FRRS1: variants seen among roughly 807,000 people sequenced by gnomAD.
FRRS1 encodes the protein ferric reductase 1.
In FRRS1, 51 loss-of-function variants were observed where a neutral mutation model predicts 70.7. The observed-to-expected ratio is 0.72, with a 90% CI of 0.58 to 0.91. The LOEUF (loss-of-function observed/expected upper bound fraction) is 0.91, where lower values mean the gene tolerates loss of function less well. FRRS1 is among the 40% of genes least tolerant of loss of function. The probability of loss-of-function intolerance (pLI) is 0.00; values close to 1 mark genes in which losing one functional copy is unlikely to be tolerated. For synonymous variants in FRRS1, 225 were observed against 238.7 expected (o/e 0.94, Z 0.53); for missense variants, 672 against 726.0 (o/e 0.93, Z 0.86).
rs949448991 is a variant in FRRS1 at position 99,704,125 on chromosome 1, C to T, written c.*4903G>A. ...TCAAAAACATGTACGAAGCAAGCACCTTTTGCTGGCATCACTTCATTGGAT... is the reference window on the plus strand; with the variant it reads ...TCAAAAACATGTACGAAGCAAGCACTTTTTGCTGGCATCACTTCATTGGAT... On this transcript the variant is annotated 3_prime_UTR_variant, in exon 17 of 17. Transcript: ENST00000646001. Among the ~76,000 whole-genome samples the T allele has an allele frequency of 2.6e-5, 4 of 152,146 alleles. No individual in the cohort carries two copies. Among genetic ancestry groups the T allele is most frequent in the African/African-American group, 9.7e-5 (4 of 41,412 alleles).
At chr1:99,744,199 G>T (rs1198417575) in intron 4 of FRRS1, among the ~76,000 whole-genome samples, 2 of 152,146 alleles carry the variant, frequency 1.3e-5, no homozygotes, top group Non-Finnish European at 2.9e-5. Flanking sequence ...TTTTATGCAG[G>T]TGTAAGAATT....
chr1:99,704,627 C>T lies in FRRS1; in HGVS notation c.*4401G>A, dbSNP rs901123988. Among the ~76,000 whole-genome samples the T allele has an allele frequency of 6.6e-6, 1 of 152,066 alleles. No individual in the cohort carries two copies. Among genetic ancestry groups the T allele is most frequent in the Non-Finnish European group, 1.5e-5 (1 of 68,024 alleles). On this transcript the variant is annotated 3_prime_UTR_variant, in exon 17 of 17. Transcript: ENST00000646001. ...TGGCTCACCACGCCCCCATCCTGTG[C>T]CTATAAAAACCTCCAAGATTCTAGC...
At chr1:99,737,627 T>C (rs916931885) in intron 7 of FRRS1, among the ~76,000 whole-genome samples, 1 of 152,222 alleles carries the variant, frequency 6.6e-6, no homozygotes, top group African/African-American at 2.4e-5. Flanking sequence ...GTTAAAATCA[T>C]ACAGTACTCA....
intron 9 of FRRS1, among the ~76,000 whole-genome samples, chr1:99,726,268 G>A (rs973301479): frequency 8.5e-5 from 13 of 152,090 alleles, no homozygotes; most frequent in African/African-American, 3.1e-4. Flanking sequence ...GAGGCCTCCC[G>A]AGCCATGCTT....
intron 9 of FRRS1, among the ~76,000 whole-genome samples, chr1:99,724,493 A>G (rs138486681): frequency 1.3e-5 from 2 of 152,370 alleles, no homozygotes; most frequent in East Asian, 3.9e-4. Context: ...TTAAATGGAT[A>G]GATTGTTAGG....
intron 1 of FRRS1, among the ~76,000 whole-genome samples, chr1:99,759,689 T>C (rs967932030): frequency 1.3e-5 from 2 of 152,164 alleles, no homozygotes; most frequent in African/African-American, 2.4e-5. Flanking sequence ...AAAAGGATTG[T>C]AGTTTTACTG....
At chr1:99,728,740 A>G in intron 8 of FRRS1, 100 bp from the exon 9 acceptor site, 1 of 949,886 alleles carries the variant, frequency 1.1e-6, no homozygotes. Context: ...TTTCTCTAAG[A>G]TCGTATGTCC....
intron 12 of FRRS1, among the ~76,000 whole-genome samples, chr1:99,714,782 G>A (rs1654440419): frequency 6.6e-6 from 1 of 152,160 alleles, no homozygotes; most frequent in Admixed American, 6.5e-5. Context: ...TACCATGGAG[G>A]TGGCAGTGGG....
chr1:99,725,177 G>A (rs1655022903), intron 9 of FRRS1, among the ~76,000 whole-genome samples: 1 of 152,138 alleles, frequency 6.6e-6, no homozygotes, highest in Non-Finnish European at 1.5e-5. Flanking sequence ...TGCCACCGCT[G>A]ATCTGACAGG....
intron 1 of FRRS1, among the ~76,000 whole-genome samples, chr1:99,753,667 G>C (rs1481018388): frequency 1.3e-5 from 2 of 152,008 alleles, no homozygotes; most frequent in Non-Finnish European, 2.9e-5. Flanking sequence ...AACTACTCAG[G>C]AGGCTGAGGC....
At position 99,720,882 on chromosome 1, in the gene FRRS1, C is replaced by G. The variant is rs557138567; in HGVS notation, c.1007-1235G>C. 1.9e-3 allele frequency among the ~76,000 whole-genome samples: 245 copies of G among 131,702 alleles called. 1 individual carries two copies. The highest frequency in any genetic ancestry group is 6.4e-3 in the African/African-American group (221 of 34,500). 86.4% of individuals were successfully genotyped at this position (131,702 alleles called of 152,430 possible). On this transcript the variant is annotated intron_variant, in intron 9 of 16. Coordinates refer to ENST00000646001, the MANE Select transcript of FRRS1 (RefSeq NM_001361041.2). ...ACACACACACACACACACACACACA[C>G]AGAAATCATTTCATTCAAGGTGCAT...
chr1:99,752,765 AC>A (rs1473558026), intron 1 of FRRS1, among the ~76,000 whole-genome samples: 1 of 151,674 alleles, frequency 6.6e-6, no homozygotes, highest in East Asian at 1.9e-4. Context: ...ATTAAAAATA[AC>A]AAATAACAAA....
In FRRS1 at chr1:99,719,523, A is replaced by G; in HGVS notation, c.1120+11T>C. The G allele has an allele frequency of 1.4e-6, 2 of 1,398,696 alleles. No individual in the cohort carries two copies. The highest frequency in any genetic ancestry group is 2.0e-6 in the Non-Finnish European group (2 of 984,156). The allele number at this position is 1,398,696 out of a possible 1,614,324, so 86.6% of individuals were successfully genotyped here. A position where few individuals can be genotyped will look rare whatever the true frequency, so the allele number is the denominator to read the frequency against. ...AGTTGATTCCACAAAGTAGTTACAC[A>G]TGTAACCTACCATGAACCTTCAGAA... On this transcript the variant is annotated intron_variant, in intron 10 of 16. Coordinates refer to ENST00000646001, the MANE Select transcript of FRRS1 (RefSeq NM_001361041.2).
intron 11 of FRRS1, among the ~76,000 whole-genome samples, chr1:99,716,248 A>G (rs141550430): frequency 7.9e-5 from 12 of 152,278 alleles, no homozygotes; most frequent in Non-Finnish European, 1.3e-4. Context: ...CACCCTGTGT[A>G]TGTGTGTGTG....
intron 1 of FRRS1, among the ~76,000 whole-genome samples, chr1:99,752,904 A>G (rs2027284): frequency 0.49 from 75,127 of 151,984 alleles, 22,579 homozygotes; most frequent in African/African-American, 0.85. Flanking sequence ...AGCCAGGAAC[A>G]GGACAAGGGG....
intron 1 of FRRS1, among the ~76,000 whole-genome samples, chr1:99,753,365 T>A (rs1037357240): frequency 6.6e-5 from 10 of 151,762 alleles, no homozygotes; most frequent in African/African-American, 2.4e-4. Flanking sequence ...TTTCTTTTTT[T>A]AATAATTTTA....
At chr1:99,716,540 G>A (rs987968672) in intron 11 of FRRS1, among the ~76,000 whole-genome samples, 8 of 152,200 alleles carry the variant, frequency 5.3e-5, no homozygotes, top group African/African-American at 9.7e-5. Context: ...GGAGCAAGGT[G>A]AGCCAGGTAG....
chr1:99,731,766 C>T (rs1269536027), intron 7 of FRRS1, among the ~76,000 whole-genome samples: 1 of 152,284 alleles, frequency 6.6e-6, no homozygotes, highest in African/African-American at 2.4e-5. Context: ...CCATATTGCC[C>T]ACGAACTCTA....
chr1:99,713,330 G>A (rs540312207), intron 12 of FRRS1, among the ~76,000 whole-genome samples: 8 of 152,178 alleles, frequency 5.3e-5, no homozygotes, highest in African/African-American at 1.7e-4. Flanking sequence ...TTGTTCTATC[G>A]TATTCATAAA....
Sources: allele counts gnomAD v4.1 joint callset (sites outside exome capture counted in the v4.1 genomes callset), GRCh38; gene constraint gnomAD v4.1.1; transcripts MANE v1.5; gene names NCBI Gene and HGNC (gene_info 2026-07-23, HGNC 2026-07-21).